Variants in LIFR observed in about 807,000 individuals in gnomAD.
The protein encoded by LIFR is LIF receptor subunit alpha.
A neutral mutation model predicts 122.2 loss-of-function variants in LIFR; 84 were observed. That is an observed-to-expected ratio of 0.69 (90% CI 0.58 to 0.82). LIFR has a LOEUF of 0.82. Ranked by LOEUF, LIFR falls within the 40% of genes least tolerant of loss-of-function variation. LIFR has a pLI of 0.00. For synonymous variants in LIFR, 422 were observed against 434.7 expected (o/e 0.97, Z 0.36); for missense variants, 1,294 against 1,311.6 (o/e 0.99, Z 0.21).
upstream of LIFR, among the ~76,000 whole-genome samples, chr5:38,596,321 T>C (rs1271762628): frequency 6.6e-6 from 1 of 152,220 alleles, no homozygotes; most frequent in Non-Finnish European, 1.5e-5. Flanking sequence ...TCTGGGAATC[T>C]GCATTTTAGC....
intron 1 of LIFR, among the ~76,000 whole-genome samples, chr5:38,567,792 G>A (rs1749076195): frequency 6.6e-6 from 1 of 152,096 alleles, no homozygotes; most frequent in African/African-American, 2.4e-5. Context: ...ACCTCCCAAA[G>A]TGCTGGGATT....
At chr5:38,482,349 C>T in intron 19 of LIFR, 131 bp from the exon 20 acceptor site, 1 of 826,544 alleles carries the variant, frequency 1.2e-6, no homozygotes, top group Non-Finnish European at 1.8e-6. Context: ...GTATTTCACA[C>T]AACAGCACAG....
At chr5:38,558,408 T>C (rs1380543179), upstream of LIFR, 2 of 152,174 alleles carry the variant, frequency 1.3e-5, no homozygotes, top group African/African-American at 4.8e-5. Context: ...TGATAATGGC[T>C]AACATCCACC....
intron 1 of LIFR, among the ~76,000 whole-genome samples, chr5:38,546,251 T>C (rs948820522): frequency 1.3e-5 from 2 of 152,178 alleles, no homozygotes; most frequent in Admixed American, 6.5e-5. Flanking sequence ...GAAACATATA[T>C]ACGCCATTAC....
At chr5:38,604,633 G>A (rs1049128235) in intron 2 of LIFR, among the ~76,000 whole-genome samples, 1 of 151,978 alleles carries the variant, frequency 6.6e-6, no homozygotes, top group Admixed American at 6.6e-5. Context: ...CCTGGGAGGC[G>A]GAGGTTGCAG....
chr5:38,513,459 T>C (rs2731959), intron 5 of LIFR, among the ~76,000 whole-genome samples: 126,816 of 152,188 alleles, frequency 0.83, 53,044 homozygotes, highest in East Asian at 0.98. Flanking sequence ...GGACTACCTT[T>C]GTTTACCTTG....
intron 1 of LIFR, among the ~76,000 whole-genome samples, chr5:38,544,013 AC>A (rs945704610): frequency 6.6e-6 from 1 of 152,052 alleles, no homozygotes; most frequent in African/African-American, 2.4e-5. Flanking sequence ...CCTAGCAGTC[AC>A]CCTTGAGTCA....
chr5:38,528,981 G>GTT (rs1246932957), intron 2 of LIFR, 141 bp from the exon 3 acceptor site: 797 of 487,144 alleles, frequency 1.6e-3, no homozygotes, highest in South Asian at 2.4e-3. Flanking sequence ...GAGAGCCCAT[G>GTT]TTTTTTTTTT....
chr5:38,511,074 T>G (rs1039694158), intron 6 of LIFR, among the ~76,000 whole-genome samples: 5 of 152,208 alleles, frequency 3.3e-5, no homozygotes. Flanking sequence ...TATATACATG[T>G]GAACAATCCA....
At chr5:38,577,339 G>A (rs1268701525) in intron 1 of LIFR, among the ~76,000 whole-genome samples, 2 of 152,108 alleles carry the variant, frequency 1.3e-5, no homozygotes, top group Non-Finnish European at 2.9e-5. Flanking sequence ...CTCTCGCTCT[G>A]CCTACCCACC....
chr5:38,494,331 C>T (rs375532964), intron 13 of LIFR, among the ~76,000 whole-genome samples: 2 of 152,050 alleles, frequency 1.3e-5, no homozygotes, highest in African/African-American at 4.8e-5. Context: ...GTCTGGCTGA[C>T]CAGGGGTAGG....
At chr5:38,532,274 C>G (rs2112577203) in intron 1 of LIFR, among the ~76,000 whole-genome samples, 1 of 152,308 alleles carries the variant, frequency 6.6e-6, no homozygotes, top group African/African-American at 2.4e-5. Context: ...GAGCTCTGGA[C>G]CAGGTGCTTC....
chr5:38,506,662 A>T, intron 7 of LIFR, 30 bp from the exon 8 acceptor site: 1 of 1,579,014 alleles, frequency 6.3e-7, no homozygotes, highest in South Asian at 1.1e-5. Context: ...GGTACTTATG[A>T]TTACATATAT....
intron 1 of LIFR, among the ~76,000 whole-genome samples, chr5:38,534,363 C>T (rs536740960): frequency 1.3e-5 from 2 of 152,094 alleles, no homozygotes; most frequent in African/African-American, 2.4e-5. Flanking sequence ...GAAATACTTA[C>T]GAAAAACATA....
chr5:38,600,173 G>C (rs1212566585), upstream of LIFR, among the ~76,000 whole-genome samples: 1 of 152,086 alleles, frequency 6.6e-6, no homozygotes, highest in African/African-American at 2.4e-5. Context: ...GAAACCCCCT[G>C]CTTCCAGTTG....
intron 18 of LIFR, among the ~76,000 whole-genome samples, chr5:38,483,370 T>A (rs1291792644): frequency 6.6e-6 from 1 of 152,164 alleles, no homozygotes; most frequent in Non-Finnish European, 1.5e-5. Context: ...TAAACTCCCT[T>A]CTTATTTTGT....
At chr5:38,532,805 A>G (rs569750674) in intron 1 of LIFR, among the ~76,000 whole-genome samples, 1 of 152,344 alleles carries the variant, frequency 6.6e-6, no homozygotes, top group South Asian at 2.1e-4. Context: ...TCAGAAAAAA[A>G]GTGATGCTTG....
At chr5:38,580,351 G>A (rs1319063614) in intron 1 of LIFR, among the ~76,000 whole-genome samples, 1 of 152,058 alleles carries the variant, frequency 6.6e-6, no homozygotes, top group East Asian at 1.9e-4. Flanking sequence ...AAGTCATTGT[G>A]GTGATCATCA....
chr5:38,573,387 G>A (rs551628096), intron 1 of LIFR, among the ~76,000 whole-genome samples: 6 of 152,140 alleles, frequency 3.9e-5, no homozygotes, highest in Admixed American at 3.3e-4. Flanking sequence ...ACCTGTCTGC[G>A]TTGTTGTGGT....
Sources: gnomAD v4.1 joint callset for allele counts (sites outside exome capture counted in the v4.1 genomes callset) on GRCh38, gnomAD v4.1.1 for gene constraint, MANE v1.5 for transcripts, NCBI Gene and HGNC (gene_info 2026-07-23, HGNC 2026-07-21) for gene names.